Variants in DIAPH2 observed in about 807,000 individuals in gnomAD.
DIAPH2 encodes the protein protein diaphanous homolog 2.
A neutral mutation model predicts 92.7 loss-of-function variants in DIAPH2; 35 were observed. The observed-to-expected ratio is 0.38, with a 90% CI of 0.29 to 0.50. The LOEUF (loss-of-function observed/expected upper bound fraction) is 0.50, where lower values mean the gene tolerates loss of function less well. Ranked by LOEUF, DIAPH2 falls within the 20% of genes least tolerant of loss-of-function variation. The pLI is 0.94. For synonymous variants in DIAPH2, 301 were observed against 280.4 expected (o/e 1.07, Z -0.73); for missense variants, 701 against 819.5 (o/e 0.86, Z 1.77).
chrX:97,394,971 A>T (rs1308888110), intron 25 of DIAPH2, among the ~76,000 whole-genome samples: 2 of 111,538 alleles, frequency 1.8e-5, no homozygotes, highest in Non-Finnish European at 3.8e-5. Context: ...CAACTCATCT[A>T]ACCTCTCTGA....
intron 26 of DIAPH2, among the ~76,000 whole-genome samples, chrX:97,560,396 C>T (rs1475115580): frequency 8.9e-6 from 1 of 112,374 alleles, no homozygotes; most frequent in Non-Finnish European, 1.9e-5. Context: ...CTACCGTATA[C>T]CCCTCAACAG....
intron 4 of DIAPH2, among the ~76,000 whole-genome samples, chrX:96,778,574 AAT>A (rs1020871093): frequency 1.8e-5 from 2 of 110,925 alleles, no homozygotes; most frequent in African/African-American, 6.6e-5. Flanking sequence ...GTTGTTGCCT[AAT>A]ATAGAGCCCG....
intron 3 of DIAPH2, among the ~76,000 whole-genome samples, chrX:96,747,901 A>G (rs1474862780): frequency 8.9e-6 from 1 of 112,356 alleles, no homozygotes; most frequent in East Asian, 2.8e-4. Flanking sequence ...AGAATCTCAG[A>G]AATTGTCTAG....
intron 1 of DIAPH2, among the ~76,000 whole-genome samples, chrX:96,730,558 G>T (rs2064047792): frequency 9.0e-6 from 1 of 111,731 alleles, no homozygotes; most frequent in African/African-American, 3.3e-5. Flanking sequence ...ATCAAACCCT[G>T]AATCATTGGT....
At chrX:97,423,462 C>A (rs1395191973) in intron 25 of DIAPH2, among the ~76,000 whole-genome samples, 2 of 111,766 alleles carry the variant, frequency 1.8e-5, no homozygotes, top group African/African-American at 6.5e-5. Flanking sequence ...ATCTCCAAAC[C>A]CTTTTGTGAA....
At chrX:97,382,150 A>G (rs934348249) in intron 24 of DIAPH2, among the ~76,000 whole-genome samples, 5 of 112,307 alleles carry the variant, frequency 4.5e-5, no homozygotes, top group African/African-American at 1.6e-4. Flanking sequence ...CAGGGCCTGA[A>G]TATGTGATGC....
intron 19 of DIAPH2, 124 bp from the exon 20 acceptor site, chrX:97,099,569 TG>T: frequency 2.5e-6 from 1 of 397,225 alleles, no homozygotes; most frequent in Non-Finnish European, 4.1e-6. Flanking sequence ...GCGGATACTC[TG>T]GTACCATAAC....
At chrX:96,873,647 TACACACACAC>T (rs3082738) in intron 4 of DIAPH2, among the ~76,000 whole-genome samples, 78 of 95,865 alleles carry the variant, frequency 8.1e-4, no homozygotes, top group South Asian at 2.5e-3. Flanking sequence ...CGTATATATA[TACACACACAC>T]ACACACACAC....
intron 4 of DIAPH2, among the ~76,000 whole-genome samples, chrX:96,806,297 C>T (rs1455992050): frequency 4.5e-5 from 5 of 111,428 alleles, no homozygotes; most frequent in Non-Finnish European, 7.5e-5. Context: ...CATTTCACCA[C>T]TGATGCTGAA....
intron 23 of DIAPH2, among the ~76,000 whole-genome samples, chrX:97,301,089 G>A (rs1266073233): frequency 2.0e-5 from 2 of 99,673 alleles, no homozygotes; most frequent in Admixed American, 2.3e-4. Context: ...GGATTACAAA[G>A]TCAGGAGATC....
At chrX:97,451,477 T>C (rs1227704989) in intron 26 of DIAPH2, among the ~76,000 whole-genome samples, 1 of 111,630 alleles carries the variant, frequency 9.0e-6, no homozygotes, top group African/African-American at 3.3e-5. Context: ...ATAAGTCTTT[T>C]TGGTAAAATT....
chrX:97,457,085 A>C (rs765392737), intron 26 of DIAPH2, among the ~76,000 whole-genome samples: 1 of 111,781 alleles, frequency 8.9e-6, no homozygotes, highest in East Asian at 2.8e-4. Context: ...CAGTGGCACT[A>C]TCTCGGCTCA....
chrX:97,202,458 ATGG>A (rs1457545855), intron 22 of DIAPH2, among the ~76,000 whole-genome samples: 35 of 112,029 alleles, frequency 3.1e-4, no homozygotes, highest in Middle Eastern at 9.2e-3. Flanking sequence ...AAATAAAGGG[ATGG>A]AGGAGTATTT....
At chrX:97,295,248 G>A (rs1692799921) in intron 23 of DIAPH2, among the ~76,000 whole-genome samples, 1 of 111,330 alleles carries the variant, frequency 9.0e-6, no homozygotes, top group Admixed American at 9.7e-5. Context: ...CATTTGTTTA[G>A]CATTTACCAT....
chrX:97,112,363 T>TACTC (rs1259127605), intron 20 of DIAPH2, among the ~76,000 whole-genome samples: 2 of 111,127 alleles, frequency 1.8e-5, no homozygotes, highest in Non-Finnish European at 3.8e-5. Flanking sequence ...ACTAAAAAAC[T>TACTC]ACTCCCTAAA....
At chrX:97,053,790 T>A (rs1303166219) in intron 17 of DIAPH2, among the ~76,000 whole-genome samples, 1 of 111,870 alleles carries the variant, frequency 8.9e-6, no homozygotes, top group Admixed American at 9.5e-5. Flanking sequence ...CAGATCATTA[T>A]CTTATTAATG....
chrX:97,076,586 T>C (rs1337814119), intron 19 of DIAPH2, among the ~76,000 whole-genome samples: 2 of 111,605 alleles, frequency 1.8e-5, no homozygotes, highest in Non-Finnish European at 3.8e-5. Context: ...TTAAATAGCT[T>C]ATGCTATAAC....
At chrX:97,535,568 C>A (rs775458757) in intron 26 of DIAPH2, among the ~76,000 whole-genome samples, 1 of 111,352 alleles carries the variant, frequency 9.0e-6, no homozygotes, top group Admixed American at 9.5e-5. Flanking sequence ...TCTCCTGCCT[C>A]AGCCTCTCAA....
intron 26 of DIAPH2, among the ~76,000 whole-genome samples, chrX:97,530,126 G>T (rs187242130): frequency 8.9e-6 from 1 of 111,995 alleles, no homozygotes; most frequent in African/African-American, 3.2e-5. Flanking sequence ...AACATTGAGG[G>T]CTGTCAAGGC....
Sources: gnomAD v4.1 joint callset for allele counts (sites outside exome capture counted in the v4.1 genomes callset) on GRCh38, gnomAD v4.1.1 for gene constraint, MANE v1.5 for transcripts, NCBI Gene and HGNC (gene_info 2026-07-23, HGNC 2026-07-21) for gene names.